The following CDC5L variants were observed in gnomAD, a reference collection of about 807,000 sequenced individuals.
CDC5L encodes cell division cycle 5 like.
Under a neutral mutation model 104.1 loss-of-function variants are expected in CDC5L, and 18 were observed. That is an observed-to-expected ratio of 0.17 (90% confidence interval 0.12 to 0.26). CDC5L has a LOEUF of 0.26. Ranked by LOEUF, CDC5L falls within the 10% of genes least tolerant of loss-of-function variation. The probability of loss-of-function intolerance (pLI) is 1.00; values close to 1 mark genes in which losing one functional copy is unlikely to be tolerated. For synonymous variants in CDC5L, 331 were observed against 322.7 expected (o/e 1.03, Z -0.28); for missense variants, 673 against 956.9 (o/e 0.70, Z 3.91).
At chr6:44,442,463 T>C (rs1251295941) in intron 14 of CDC5L, among the ~76,000 whole-genome samples, 1 of 151,836 alleles carries the variant, frequency 6.6e-6, no homozygotes, top group East Asian at 1.9e-4. Context: ...TTATCTCTTG[T>C]CTGTCTGTTA....
intron 14 of CDC5L, among the ~76,000 whole-genome samples, chr6:44,443,777 A>G (rs543065651): frequency 5.6e-4 from 83 of 147,958 alleles, no homozygotes; most frequent in African/African-American, 1.9e-3. Flanking sequence ...TGTGACCATT[A>G]TTTGGAATTT....
intron 14 of CDC5L, among the ~76,000 whole-genome samples, chr6:44,432,384 T>C (rs1374850321): frequency 1.3e-5 from 2 of 152,310 alleles, no homozygotes; most frequent in South Asian, 2.1e-4. Context: ...CTGTAAGCAC[T>C]GTATGCCATG....
chr6:44,412,079 G>T (rs1378464468), intron 8 of CDC5L, among the ~76,000 whole-genome samples: 1 of 152,190 alleles, frequency 6.6e-6, no homozygotes, highest in African/African-American at 2.4e-5. Flanking sequence ...TATAGGTATT[G>T]TAAGAATCCC....
Position 44,450,389 on chromosome 6 carries a change from T to G in CDC5L, c.*3678T>G, listed in dbSNP as rs945388567. On this transcript the variant is annotated 3_prime_UTR_variant, in exon 16 of 16. Transcript: ENST00000371477. ...CTATTATGTTACCTATTTTTAAATT[T>G]AAGCAACTTTAAATTAAAAAAATTG... 1.3e-5 allele frequency: 2 copies of G among 152,226 alleles called. No individual in the cohort carries two copies. The highest frequency in any genetic ancestry group is 1.5e-5 in the Non-Finnish European group (1 of 68,046). The allele number at this position is 152,226 out of a possible 1,614,324, so 9.4% of individuals were successfully genotyped here.
chr6:44,418,270 GT>G (rs1266873438), intron 8 of CDC5L, among the ~76,000 whole-genome samples: 3 of 152,092 alleles, frequency 2.0e-5, no homozygotes, highest in African/African-American at 7.2e-5. Flanking sequence ...CCTTGTGATA[GT>G]TTGCTGAGAA....
Position 44,426,909 on chromosome 6 carries a change from G to A in CDC5L, c.1893+185G>A, listed in dbSNP as rs990981775. Among the ~76,000 whole-genome samples the A allele has an allele frequency of 4.6e-5, 7 of 152,160 alleles. No individual in the cohort carries two copies. The South Asian group carries it at 6.2e-4, about 14-fold the overall frequency. On this transcript the variant is annotated intron_variant, in intron 13 of 15. Coordinates refer to ENST00000371477, the MANE Select transcript of CDC5L (RefSeq NM_001253.4). The stretch of plus-strand genomic sequence containing the variant: ...CATGCTTTAAATACCTCCATCCCCC[G>A]TGTTCAGTGTGATAGACCTTTAGCA...
chr6:44,414,732 G>A (rs1159760214), intron 8 of CDC5L, among the ~76,000 whole-genome samples: 1 of 151,970 alleles, frequency 6.6e-6, no homozygotes, highest in Non-Finnish European at 1.5e-5. Context: ...TTTGTAGGTT[G>A]TGTTTTCACT....
intron 14 of CDC5L, among the ~76,000 whole-genome samples, chr6:44,443,533 T>C (rs1055134598): frequency 1.3e-5 from 2 of 151,728 alleles, no homozygotes; most frequent in African/African-American, 4.8e-5. Flanking sequence ...TTTTCATTAT[T>C]TTTTCTTTTT....
chr6:44,437,526 G>A (rs1047875724), intron 14 of CDC5L, among the ~76,000 whole-genome samples: 10 of 152,000 alleles, frequency 6.6e-5, no homozygotes, highest in Non-Finnish European at 7.4e-5. Flanking sequence ...GAACCTTAGC[G>A]CAATATTTGA....
intron 8 of CDC5L, among the ~76,000 whole-genome samples, chr6:44,413,822 T>C (rs1791775262): frequency 6.6e-6 from 1 of 152,274 alleles, no homozygotes; most frequent in Non-Finnish European, 1.5e-5. Flanking sequence ...TGACCTCAAG[T>C]GATCCTTCTG....
Position 44,447,921 on chromosome 6 carries a change from G to A in CDC5L, c.*1210G>A, listed in dbSNP as rs1202414337. Reference sequence around the variant, plus strand: ...ATGTCCAGGGAAAGTATCAGACCATGAGTTTTAGATTCTGTGGAGGAAATT... The same window carrying A: ...ATGTCCAGGGAAAGTATCAGACCATAAGTTTTAGATTCTGTGGAGGAAATT... On this transcript the variant is annotated 3_prime_UTR_variant, in exon 16 of 16. Coordinates refer to ENST00000371477, the MANE Select transcript of CDC5L (RefSeq NM_001253.4). The A allele has an allele frequency of 6.6e-6, 1 of 152,168 alleles. No homozygotes were observed. Among genetic ancestry groups the A allele is most frequent in the African/African-American group, 2.4e-5 (1 of 41,450 alleles). The allele number at this position is 152,168 out of a possible 1,614,324, so 9.4% of individuals were successfully genotyped here.
At chr6:44,438,180 T>A (rs1165139996) in intron 14 of CDC5L, among the ~76,000 whole-genome samples, 4 of 152,204 alleles carry the variant, frequency 2.6e-5, no homozygotes, top group Non-Finnish European at 5.9e-5. Flanking sequence ...ACTCCTGGGC[T>A]CAAGCGATCC....
At chr6:44,444,881 C>T (rs1793375498) in intron 14 of CDC5L, among the ~76,000 whole-genome samples, 1 of 152,078 alleles carries the variant, frequency 6.6e-6, no homozygotes, top group Admixed American at 6.6e-5. Context: ...CCTAAAGTTA[C>T]TGCTGGGGCA....
At chr6:44,434,692 C>T (rs905694523) in intron 14 of CDC5L, among the ~76,000 whole-genome samples, 14 of 152,132 alleles carry the variant, frequency 9.2e-5, no homozygotes, top group Admixed American at 2.0e-4. Context: ...CTCACTGTAA[C>T]GGACTTTTAC....
chr6:44,396,261 G>A (rs1487145403), intron 4 of CDC5L, 80 bp from the exon 5 acceptor site: 8 of 774,340 alleles, frequency 1.0e-5, no homozygotes, highest in Non-Finnish European at 1.7e-5. Context: ...TTGAGCAATA[G>A]AGTGTCTCTT....
intron 14 of CDC5L, among the ~76,000 whole-genome samples, chr6:44,439,150 G>A (rs1581661937): frequency 1.3e-5 from 2 of 152,050 alleles, no homozygotes; most frequent in South Asian, 2.1e-4. Flanking sequence ...TTAACATAAT[G>A]TTTTCAAAGT....
intron 14 of CDC5L, among the ~76,000 whole-genome samples, chr6:44,433,879 C>G (rs190231801): frequency 6.6e-6 from 1 of 152,214 alleles, no homozygotes; most frequent in Admixed American, 6.5e-5. Flanking sequence ...AAAAAATTTC[C>G]TTAATACTTT....
chr6:44,446,242 T>G (rs1026747502), intron 15 of CDC5L, among the ~76,000 whole-genome samples: 1 of 152,246 alleles, frequency 6.6e-6, no homozygotes, highest in Non-Finnish European at 1.5e-5. Context: ...GGAACATAGC[T>G]AGTCCTTCCA....
intron 8 of CDC5L, among the ~76,000 whole-genome samples, chr6:44,414,666 A>G (rs1791831530): frequency 6.6e-6 from 1 of 151,916 alleles, no homozygotes; most frequent in South Asian, 2.1e-4. Context: ...AGTTCTTTGT[A>G]TATTCTGGAT....
Sources: gnomAD v4.1 joint callset for allele counts (sites outside exome capture counted in the v4.1 genomes callset) on GRCh38, gnomAD v4.1.1 for gene constraint, MANE v1.5 for transcripts, NCBI Gene and HGNC (gene_info 2026-07-23, HGNC 2026-07-21) for gene names.